USP32: variants seen among roughly 807,000 people sequenced by gnomAD.
USP32 encodes ubiquitin specific peptidase 32.
USP32 carries 59 observed loss-of-function variants against 204.8 expected under a neutral mutation model. The observed-to-expected ratio is 0.29, with a 90% CI of 0.23 to 0.36. The LOEUF (loss-of-function observed/expected upper bound fraction) is 0.36. Among genes scored for constraint, USP32 ranks in the 10% least tolerant of loss-of-function variants. The pLI is 1.00. For missense variants in USP32, 1,160 were observed against 1,946.4 expected (o/e 0.60, Z 7.60); for synonymous variants, 517 against 678.4 (o/e 0.76, Z 3.70).
intron 11 of USP32, among the ~76,000 whole-genome samples, chr17:60,250,405 C>T (rs1282111642): frequency 6.6e-6 from 1 of 151,824 alleles, no homozygotes; most frequent in Non-Finnish European, 1.5e-5. Context: ...TTATTTCTAC[C>T]TATGCTAAGT....
At chr17:60,355,623 A>G (rs960468938) in intron 1 of USP32, among the ~76,000 whole-genome samples, 12 of 152,104 alleles carry the variant, frequency 7.9e-5, no homozygotes, top group African/African-American at 2.6e-4. Flanking sequence ...GAAGCAGATG[A>G]ATTGTTTGAG....
In USP32 at chr17:60,285,800, C is replaced by T. The variant is rs534824024; in HGVS notation, c.571+2723G>A. Among the ~76,000 whole-genome samples the T allele has an allele frequency of 1.8e-4, 27 of 152,018 alleles. No individual in the cohort carries two copies. In the South Asian group the frequency reaches 4.0e-3, roughly 22 times the overall value. On this transcript the variant is annotated intron_variant, in intron 5 of 33. Coordinates refer to ENST00000300896, the MANE Select transcript of USP32 (RefSeq NM_032582.4). ...CATGGATGATTATTAGGATTTAACACGTAGAAGAAAAAGAGAAGGCATTTT... is the reference window on the plus strand; with the variant it reads ...CATGGATGATTATTAGGATTTAACATGTAGAAGAAAAAGAGAAGGCATTTT...
chr17:60,264,924 AC>A (rs1360289912), intron 9 of USP32, among the ~76,000 whole-genome samples: 1 of 152,062 alleles, frequency 6.6e-6, no homozygotes, highest in African/African-American at 2.4e-5. Flanking sequence ...GAGGAAAAAA[AC>A]ATTTCCATCA....
At chr17:60,238,458 A>G (rs1008487314) in intron 11 of USP32, among the ~76,000 whole-genome samples, 3 of 152,086 alleles carry the variant, frequency 2.0e-5, no homozygotes, top group African/African-American at 7.2e-5. Context: ...GCTTGAGCCC[A>G]GGAGTTCAAG....
At chr17:60,305,637 A>G (rs1305301864) in intron 2 of USP32, among the ~76,000 whole-genome samples, 1 of 152,242 alleles carries the variant, frequency 6.6e-6, no homozygotes, top group Non-Finnish European at 1.5e-5. Flanking sequence ...GATTAAACAA[A>G]GAAATTTCAA....
intron 11 of USP32, among the ~76,000 whole-genome samples, chr17:60,247,456 A>C (rs2086059469): frequency 6.6e-6 from 1 of 152,200 alleles, no homozygotes; most frequent in Non-Finnish European, 1.5e-5. Flanking sequence ...CTGGGATTAC[A>C]GGCATGAGCC....
rs540651808 is a variant in USP32 at position 60,306,499 on chromosome 17, G to T, written c.187-4795C>A. 2.4e-3 allele frequency among the ~76,000 whole-genome samples: 362 copies of T among 152,112 alleles called. 2 individuals are homozygous for T. Among genetic ancestry groups the T allele is most frequent in the Middle Eastern group, 0.01 (3 of 294 alleles). ...CTAAAAATACAAAAATTAGCTGGGC[G>T]TTGTGGTGGGCGCCTATAATCCCAG... On this transcript the variant is annotated intron_variant, in intron 2 of 33. Coordinates refer to ENST00000300896, the MANE Select transcript of USP32 (RefSeq NM_032582.4).
chr17:60,397,320 C>T (rs79583756), intron 1 of USP32, among the ~76,000 whole-genome samples: 181 of 152,270 alleles, frequency 1.2e-3, no homozygotes, highest in Non-Finnish European at 2.0e-3. Flanking sequence ...TTGATTTCTT[C>T]ATCTTGTGGA....
chr17:60,410,388 G>C (rs150701747), intron 1 of USP32, among the ~76,000 whole-genome samples: 1 of 152,136 alleles, frequency 6.6e-6, no homozygotes, highest in Non-Finnish European at 1.5e-5. Context: ...CCCTAGCCTC[G>C]GTGGGCGCGG....
At position 60,195,389 on chromosome 17, in the gene USP32, G is replaced by A. The variant is rs145448131; in HGVS notation, c.3435-2459C>T. ...GTCTTGCTCTGTCGCCCAGGCTGGA[G>A]TACAGTGGTGTGATCTCAGCTCACT... On this transcript the variant is annotated intron_variant, in intron 27 of 33. Coordinates refer to ENST00000300896, the MANE Select transcript of USP32 (RefSeq NM_032582.4). 2.3e-4 allele frequency among the ~76,000 whole-genome samples: 35 copies of A among 152,294 alleles called. No homozygotes were observed. In the East Asian group the frequency reaches 2.7e-3, roughly 12 times the overall value.
At chr17:60,311,558 C>G (rs369304725) in intron 2 of USP32, among the ~76,000 whole-genome samples, 13 of 152,328 alleles carry the variant, frequency 8.5e-5, no homozygotes, top group Middle Eastern at 3.4e-3. Flanking sequence ...CACAGTGGCT[C>G]ACGCCTGTAA....
intron 9 of USP32, among the ~76,000 whole-genome samples, chr17:60,255,871 C>T (rs1434589779): frequency 6.6e-6 from 1 of 152,168 alleles, no homozygotes; most frequent in Admixed American, 6.5e-5. Flanking sequence ...GTTCTGGTAA[C>T]ATTATTTGTC....
At chr17:60,357,380 G>C (rs552091712) in intron 1 of USP32, among the ~76,000 whole-genome samples, 1 of 151,916 alleles carries the variant, frequency 6.6e-6, no homozygotes. Flanking sequence ...TTGAGCCCAG[G>C]AGTTGGAGGC....
intron 4 of USP32, among the ~76,000 whole-genome samples, chr17:60,289,158 C>T (rs897978509): frequency 6.6e-6 from 1 of 152,134 alleles, no homozygotes; most frequent in Non-Finnish European, 1.5e-5. Flanking sequence ...CAGGCACCCA[C>T]CACCACGCCC....
chr17:60,179,326 T>C lies in USP32; in HGVS notation c.4744A>G (p.Lys1582Glu). ...AQFLPKTDGK[K>E]MADTSSMDED... is the part of the protein sequence containing the mutation. ...TCCATACTGCTTGTGTCTGCCATCT[T>C]TTTGCCATCAGTCTTTGGCAGAAAT... is the stretch of plus-strand genomic sequence containing the variant. The change falls in exon 34 of 34, where the codon AAG (lysine) becomes GAG (glutamate). Residue 1582 changes from lysine to glutamate, a missense_variant. Physicochemically the swap from Lys to Glu is moderately conservative, Grantham distance 56. Around this residue, in one of 8 missense-constraint regions of USP32, gnomAD observed 244 missense variants for 342.3 expected, o/e 0.71. Coordinates refer to ENST00000300896, the MANE Select transcript of USP32 (RefSeq NM_032582.4). 6.2e-7 allele frequency: 1 copy of C among 1,613,958 alleles called. No individual in the cohort carries two copies. Among genetic ancestry groups the C allele is most frequent in the Non-Finnish European group, 8.5e-7 (1 of 1,179,864 alleles).
Position 60,360,472 on chromosome 17 carries a change from A to C in USP32, c.59-14864T>G, listed in dbSNP as rs193140175. 8.5e-3 allele frequency among the ~76,000 whole-genome samples: 1,295 copies of C among 152,064 alleles called. 22 individuals carry two copies. Among genetic ancestry groups the C allele is most frequent in the African/African-American group, 0.029 (1,214 of 41,490 alleles). ...TCAGGAGTTCGAGACCAGCCTGGCAAACATGGAGAAACCCCGTATCTACTA... is the reference window on the plus strand; with the variant it reads ...TCAGGAGTTCGAGACCAGCCTGGCACACATGGAGAAACCCCGTATCTACTA... On this transcript the variant is annotated intron_variant, in intron 1 of 33. Coordinates refer to ENST00000300896, the MANE Select transcript of USP32 (RefSeq NM_032582.4).
At position 60,351,951 on chromosome 17, in the gene USP32, A is replaced by C. The variant is rs571810793; in HGVS notation, c.59-6343T>G. Among the ~76,000 whole-genome samples the C allele has an allele frequency of 1.3e-5, 2 of 152,312 alleles. 1 individual carries two copies. The highest frequency in any genetic ancestry group is 4.1e-4 in the South Asian group (2 of 4,830). On this transcript the variant is annotated intron_variant, in intron 1 of 33. Transcript: ENST00000300896. ...GTAGGGGTTCACCTGGCAAAAAAAA[A>C]CGCAAAGGGCTATTCTATGCAGGGA...
intron 11 of USP32, among the ~76,000 whole-genome samples, chr17:60,237,450 T>C (rs180893491): frequency 1.3e-5 from 2 of 152,192 alleles, no homozygotes; most frequent in East Asian, 3.9e-4. Context: ...GAAAATGGCA[T>C]AATATGAAAT....
chr17:60,214,324 G>A (rs1363671243), intron 17 of USP32, among the ~76,000 whole-genome samples: 1 of 152,102 alleles, frequency 6.6e-6, no homozygotes, highest in East Asian at 1.9e-4. Context: ...AGATAGTACT[G>A]TCCATGGTGA....
Sources: gnomAD v4.1 joint callset for allele counts (sites outside exome capture counted in the v4.1 genomes callset) on GRCh38, gnomAD v4.1.1 for gene constraint, gnomAD v4.1.1 regional missense constraint, MANE v1.5 for transcripts, NCBI Gene and HGNC (gene_info 2026-07-23, HGNC 2026-07-21) for gene names.